MIGA1: variants seen among roughly 807,000 people sequenced by gnomAD.
The protein encoded by MIGA1 is family with sequence similarity 73, member A.
Under a neutral mutation model 82.0 loss-of-function variants are expected in MIGA1, and 58 were observed. The ratio of observed to expected loss-of-function variants is 0.71; its 90% CI spans 0.57 to 0.88. MIGA1 has a LOEUF of 0.88. Ranked by LOEUF, MIGA1 falls within the 40% of genes least tolerant of loss-of-function variation. The pLI, the probability that MIGA1 is intolerant of heterozygous loss-of-function variation, is 0.00. For synonymous variants in MIGA1, 249 were observed against 253.6 expected (o/e 0.98, Z 0.17); for missense variants, 751 against 749.1 (o/e 1.00, Z -0.03).
In MIGA1 at chr1:77,807,047, G is replaced by T; in HGVS notation, c.583G>T (p.Asp195Tyr). The T allele has an allele frequency of 6.2e-7, 1 of 1,600,496 alleles. No individual in the cohort carries two copies. The highest frequency in any genetic ancestry group is 8.6e-7 in the Non-Finnish European group (1 of 1,167,832). ...TTCCTGGGACAAAGCAGATGAAGATGATATTAAACTTGTTAATATTCCTGT... is the reference window on the plus strand; with the variant it reads ...TTCCTGGGACAAAGCAGATGAAGATTATATTAAACTTGTTAATATTCCTGT... The change falls in exon 5 of 16, where the codon GAT (aspartate) becomes TAT (tyrosine). Residue 195 changes from aspartate to tyrosine, a missense_variant. Transcript: ENST00000370791.
rs147200060 is a variant in MIGA1, at chr1:77,879,014, CA to C, written c.*3953del. The C allele has an allele frequency of 9.8e-3, 2,539 of 259,780 alleles. 60 individuals carry two copies. The highest frequency in any genetic ancestry group is 0.05 in the African/African-American group (2,314 of 45,824). 16.1% of individuals were successfully genotyped at this position (259,780 alleles called of 1,614,324 possible). On this transcript the variant is annotated 3_prime_UTR_variant, in exon 16 of 16. Coordinates refer to ENST00000370791, the MANE Select transcript of MIGA1 (RefSeq NM_198549.4). ...TCCAAGAGAGTGATTATTTGCATTACAAAGGAATTCTTAATAATTCCTGTAA... is the reference window on the plus strand; with the variant it reads ...TCCAAGAGAGTGATTATTTGCATTACAAGGAATTCTTAATAATTCCTGTAA...
chr1:77,859,430 C>A, intron 10 of MIGA1, 44 bp downstream of exon 10: 1 of 1,314,226 alleles, frequency 7.6e-7, no homozygotes, highest in Non-Finnish European at 1.1e-6. Flanking sequence ...CACTCATCCC[C>A]ACCCTCATGC....
At position 77,779,904 on chromosome 1, in the gene MIGA1, G is replaced by C. The variant is rs778919901; in HGVS notation, c.81+168G>C. The C allele has an allele frequency of 2.3e-4, 325 of 1,411,098 alleles. 4 individuals are homozygous for C. Among genetic ancestry groups the C allele is most frequent in the Non-Finnish European group, 2.0e-4 (217 of 1,086,284 alleles). The allele number at this position is 1,411,098 out of a possible 1,614,324, so 87.4% of individuals were successfully genotyped here. A position where few individuals can be genotyped will look rare whatever the true frequency, so the allele number is the denominator to read the frequency against. ...AGCGGCGGAAAGCCAGAGGGTCTAC[G>C]GCCGTGCCACCCTGAACACCCCCGA... On this transcript the variant is annotated intron_variant, in intron 1 of 15. Transcript: ENST00000370791.
At chr1:77,871,296 G>A (rs1480617700) in intron 14 of MIGA1, among the ~76,000 whole-genome samples, 1 of 152,124 alleles carries the variant, frequency 6.6e-6, no homozygotes, top group Non-Finnish European at 1.5e-5. Flanking sequence ...GAGGTCAGGA[G>A]TTCGAGACCA....
At position 77,792,688 on chromosome 1, in the gene MIGA1, C is replaced by G. The variant is rs573472616; in HGVS notation, c.196-8643C>G. ...CCAATTGGCTAATGATGTTGAACAT[C>G]TTCTTGGGTTTGTGTGTGTTTGCCA... On this transcript the variant is annotated intron_variant, in intron 2 of 15. Transcript: ENST00000370791. Among the ~76,000 whole-genome samples the G allele has an allele frequency of 2.0e-5, 3 of 151,646 alleles. No individual in the cohort carries two copies. The South Asian group carries it at 6.2e-4, about 32-fold the overall frequency.
At chr1:77,789,170 A>C (rs1441622348) in intron 2 of MIGA1, among the ~76,000 whole-genome samples, 1 of 148,232 alleles carries the variant, frequency 6.7e-6, no homozygotes, top group African/African-American at 2.5e-5. Context: ...CTTTTGGATA[A>C]TAATCTAAAT....
At chr1:77,820,152 T>TGATCTGTAGTTAGCTCATGTGTC (rs1226492448) in intron 7 of MIGA1, among the ~76,000 whole-genome samples, 164 of 150,500 alleles carry the variant, frequency 1.1e-3, no homozygotes, top group Non-Finnish European at 2.1e-3. Flanking sequence ...ACTCATGTGG[T>TGATCTGTAGTTAGCTCATGTGTC]GATCTGTAGT....
intron 14 of MIGA1, 25 bp from the exon 15 acceptor site, chr1:77,872,979 T>A (rs561105896): frequency 6.2e-7 from 1 of 1,612,708 alleles, no homozygotes; most frequent in Non-Finnish European, 8.5e-7. Context: ...TAGAAGTAAC[T>A]TGATTCTCCT....
In MIGA1 at chr1:77,843,299, C is replaced by T. The variant is rs754644263; in HGVS notation, c.896-8C>T. On this transcript the variant is annotated splice_polypyrimidine_tract_variant and splice_region_variant and intron_variant, in intron 7 of 15. Coordinates refer to ENST00000370791, the MANE Select transcript of MIGA1 (RefSeq NM_198549.4). The stretch of plus-strand genomic sequence containing the variant: ...CACTTTCTGAACTTTTCACCTTTTA[C>T]TTTTAAGATAAAGATACAGATATCA... 16 of 1,594,568 alleles carry T rather than the reference C, an allele frequency of 1.0e-5. No homozygotes were observed. Among genetic ancestry groups the T allele is most frequent in the African/African-American group, 1.3e-5 (1 of 74,554 alleles).
chr1:77,819,424 C>A (rs1354650819), intron 7 of MIGA1, among the ~76,000 whole-genome samples: 1 of 151,970 alleles, frequency 6.6e-6, no homozygotes, highest in Non-Finnish European at 1.5e-5. Context: ...GCTGGTATTA[C>A]AGGCACGTGC....
intron 2 of MIGA1, among the ~76,000 whole-genome samples, chr1:77,797,018 C>T (rs1414019193): frequency 6.6e-6 from 1 of 152,322 alleles, no homozygotes; most frequent in East Asian, 1.9e-4. Flanking sequence ...TCTTTACCCA[C>T]AAATGTCACA....
At chr1:77,851,169 C>T (rs1301101251) in intron 8 of MIGA1, among the ~76,000 whole-genome samples, 2 of 152,140 alleles carry the variant, frequency 1.3e-5, no homozygotes, top group African/African-American at 2.4e-5. Flanking sequence ...CCGCGCCGGG[C>T]CTTGTTTGAT....
chr1:77,793,623 C>G (rs1682525065), intron 2 of MIGA1, among the ~76,000 whole-genome samples: 2 of 149,788 alleles, frequency 1.3e-5, no homozygotes, highest in African/African-American at 2.5e-5. Flanking sequence ...CCATGCCCAG[C>G]TAATTTTTTT....
chr1:77,863,659 TAG>T (rs1685554520), intron 12 of MIGA1, among the ~76,000 whole-genome samples: 1 of 152,176 alleles, frequency 6.6e-6, no homozygotes. Context: ...AAAGGACTCC[TAG>T]AATAGAGAGG....
At chr1:77,859,992 A>G in intron 10 of MIGA1, 48 bp from the exon 11 acceptor site, 1 of 1,219,184 alleles carries the variant, frequency 8.2e-7, no homozygotes, top group East Asian at 2.3e-5. Context: ...ATGTCCATTC[A>G]CATTCATTAT....
intron 14 of MIGA1, chr1:77,868,738 G>A (rs1027625392): frequency 2.0e-5 from 3 of 152,066 alleles, no homozygotes; most frequent in Non-Finnish European, 4.4e-5. Context: ...AGTCTGTATG[G>A]TATTTAGAAC....
chr1:77,845,407 T>C (rs1458437616), intron 8 of MIGA1, among the ~76,000 whole-genome samples: 1 of 152,160 alleles, frequency 6.6e-6, no homozygotes, highest in Non-Finnish European at 1.5e-5. Context: ...TATACCTAAT[T>C]GCTCTAAAGT....
chr1:77,779,650 T>C lies in MIGA1; in HGVS notation c.-6T>C. 6.4e-7 allele frequency: 1 copy of C among 1,574,468 alleles called. No homozygotes were observed. Among genetic ancestry groups the C allele is most frequent in the Non-Finnish European group, 8.6e-7 (1 of 1,159,688 alleles). On this transcript the variant is annotated 5_prime_UTR_variant, in exon 1 of 16. Transcript: ENST00000370791. ...CTCCTGACCCCGGAAGGACTCCGCC[T>C]TCTCCATGTCAGACTGCTGCTCAGC...
At chr1:77,828,763 A>G (rs1057447859) in intron 7 of MIGA1, among the ~76,000 whole-genome samples, 5 of 152,050 alleles carry the variant, frequency 3.3e-5, no homozygotes, top group Non-Finnish European at 4.4e-5. Flanking sequence ...GCCTTGAACT[A>G]TTGGGCTCAA....
Sources: gnomAD v4.1 joint callset for allele counts (sites outside exome capture counted in the v4.1 genomes callset) on GRCh38, gnomAD v4.1.1 for gene constraint, MANE v1.5 for transcripts, NCBI Gene and HGNC (gene_info 2026-07-23, HGNC 2026-07-21) for gene names.